Variants in CHORDC1 observed in about 807,000 individuals in gnomAD.
CHORDC1 encodes cysteine and histidine-rich domain-containing protein 1.
In CHORDC1, 25 loss-of-function variants were observed where a neutral mutation model predicts 48.3. The observed-to-expected ratio is 0.52, with a 90% CI of 0.38 to 0.72. The LOEUF (loss-of-function observed/expected upper bound fraction) is 0.72, where lower values mean the gene tolerates loss of function less well. Among genes scored for constraint, CHORDC1 ranks in the 30% least tolerant of loss-of-function variants. The pLI, the probability that CHORDC1 is intolerant of heterozygous loss-of-function variation, is 0.00. For synonymous variants in CHORDC1, 128 were observed against 126.4 expected (o/e 1.01, Z -0.09); for missense variants, 317 against 388.7 (o/e 0.82, Z 1.55).
At position 90,222,879 on chromosome 11, in the gene CHORDC1, C is replaced by G. The variant is rs747585815; in HGVS notation, c.64+12G>C. On this transcript the variant is annotated intron_variant, in intron 1 of 10. Coordinates refer to ENST00000320585, the MANE Select transcript of CHORDC1 (RefSeq NM_012124.3). ...TGGAGGGGAGGGAGGGCTGGCGGCG[C>G]GTTCCTCTTACCGTCGGAATTGGTC... 23 of 1,612,800 alleles carry G rather than the reference C, an allele frequency of 1.4e-5. 1 individual carries two copies. The South Asian group carries it at 2.3e-4, about 16-fold the overall frequency.
At chr11:90,222,547 C>T in intron 1 of CHORDC1, 2 of 511,146 alleles carry the variant, frequency 3.9e-6, no homozygotes, top group South Asian at 1.6e-5. Flanking sequence ...TTTTTGCTTC[C>T]CCAGAGACTG....
intron 9 of CHORDC1, among the ~76,000 whole-genome samples, 161 bp from the exon 10 acceptor site, chr11:90,203,036 A>G (rs1212311270): frequency 6.6e-6 from 1 of 152,186 alleles, no homozygotes; most frequent in African/African-American, 2.4e-5. Flanking sequence ...ACAAAAAAGA[A>G]TAACTGGCTT....
intron 6 of CHORDC1, chr11:90,206,542 T>A: frequency 2.6e-6 from 1 of 390,012 alleles, no homozygotes; most frequent in South Asian, 2.4e-5. Context: ...CATATTCAAG[T>A]ACTTACTTAG....
At chr11:90,219,516 G>GT (rs1222834785) in intron 1 of CHORDC1, among the ~76,000 whole-genome samples, 1 of 152,206 alleles carries the variant, frequency 6.6e-6, no homozygotes, top group Non-Finnish European at 1.5e-5. Context: ...CTAGAAGGTT[G>GT]TGAGTCTACC....
rs1345124567 is a variant in CHORDC1, at chr11:90,202,867, C to G, written c.798G>C (p.Val266=). ...CCTTCTCTCCTTCAAATACAATATG[C>G]ACATTTAACTGAAAAAGATATACAC... is the stretch of plus-strand genomic sequence containing the variant. The part of the protein sequence containing the change: ...RVEANSTLLN[V]HIVFEGEKEF... Residue 266 remains valine, a synonymous_variant, in exon 10 of 11, where the codon GTG becomes GTC. Transcript: ENST00000320585. 1.3e-6 allele frequency: 2 copies of G among 1,599,738 alleles called. No homozygotes were observed. The highest frequency in any genetic ancestry group is 1.7e-6 in the Non-Finnish European group (2 of 1,172,786).
intron 10 of CHORDC1, 87 bp downstream of exon 10, chr11:90,202,726 C>T: frequency 6.9e-7 from 1 of 1,446,490 alleles, no homozygotes. Context: ...CTATACTTTG[C>T]ATCAATGTTT....
chr11:90,206,223 C>A lies in CHORDC1; in HGVS notation c.542G>T (p.Gly181Val). The A allele has an allele frequency of 6.4e-7, 1 of 1,563,292 alleles. No individual in the cohort carries two copies. Among genetic ancestry groups the A allele is most frequent in the Non-Finnish European group, 8.8e-7 (1 of 1,134,160 alleles). The change falls in exon 7 of 11, where the codon GGA (glycine) becomes GTA (valine). Residue 181 changes from glycine to valine, a missense_variant. Coordinates refer to ENST00000320585, the MANE Select transcript of CHORDC1 (RefSeq NM_012124.3). ...TTACCCCTCATGGAAAATAGGTACTCCAGAATGATATACACAGACTTCTTC... is the reference window on the plus strand; with the variant it reads ...TTACCCCTCATGGAAAATAGGTACTACAGAATGATATACACAGACTTCTTC... ...SLEEVCVYHS[G>V]VPIFHEGMKY...
intron 8 of CHORDC1, 41 bp downstream of exon 8, chr11:90,205,419 G>A (rs769540898): frequency 9.0e-7 from 1 of 1,105,632 alleles, no homozygotes; most frequent in African/African-American, 1.6e-5. Context: ...TGACTCAGAT[G>A]AATATAAACC....
chr11:90,211,482 ATCTAC>A, intron 4 of CHORDC1, 164 bp from the exon 5 acceptor site: 1 of 541,324 alleles, frequency 1.8e-6, no homozygotes, highest in Non-Finnish European at 3.3e-6. Flanking sequence ...GTTACAATGT[ATCTAC>A]ATTCTGTCTT....
In CHORDC1 at chr11:90,218,199, GAAAA is replaced by G; in HGVS notation, c.65-19_65-16del. 7.5e-7 allele frequency: 1 copy of G among 1,329,538 alleles called. No individual in the cohort carries two copies. Among genetic ancestry groups the G allele is most frequent in the Non-Finnish European group, 1.0e-6 (1 of 990,270 alleles). 82.4% of individuals were successfully genotyped at this position (1,329,538 alleles called of 1,614,324 possible). On this transcript the variant is annotated splice_polypyrimidine_tract_variant and intron_variant, in intron 1 of 10. Transcript: ENST00000320585. ...TGTGCAAGCATCTGGAGAAAACAGA[GAAAA>G]AAAAAAAAGTACCACTCTTTATAAT...
chr11:90,213,718 A>G, intron 4 of CHORDC1: 1 of 456,496 alleles, frequency 2.2e-6, no homozygotes, highest in Non-Finnish European at 3.9e-6. Flanking sequence ...ACCATGCCAC[A>G]GTGAAAAAGA....
intron 6 of CHORDC1, chr11:90,209,465 A>T (rs1857798939): frequency 6.6e-6 from 1 of 152,174 alleles, no homozygotes; most frequent in Non-Finnish European, 1.5e-5. Context: ...TCTATCATTC[A>T]TTCTACACGC....
At chr11:90,208,668 T>A (rs1481438624) in intron 6 of CHORDC1, 1 of 152,134 alleles carries the variant, frequency 6.6e-6, no homozygotes, top group Non-Finnish European at 1.5e-5. Flanking sequence ...AGAAAAAACA[T>A]ATGTTGACTG....
At chr11:90,217,300 G>A (rs1026170016) in intron 2 of CHORDC1, among the ~76,000 whole-genome samples, 11 of 152,124 alleles carry the variant, frequency 7.2e-5, no homozygotes, top group Non-Finnish European at 1.2e-4. Flanking sequence ...CAAAGAAGTA[G>A]AACCTAAAAC....
At chr11:90,205,643 T>A (rs906111631) in intron 7 of CHORDC1, 78 bp from the exon 8 acceptor site, 2 of 882,084 alleles carry the variant, frequency 2.3e-6, no homozygotes, top group African/African-American at 3.4e-5. Flanking sequence ...GGGATAAATC[T>A]GATTTTTAAT....
Position 90,214,063 on chromosome 11 carries a change from T to C in CHORDC1, c.284A>G (p.His95Arg), listed in dbSNP as rs749095610. ...TACTGGCTTAGGGGCTTGAATGATG[T>C]GTTCCTGAAATTTGGGTTTTAATTC... ...LCELKPKFQE[H>R]IIQAPKPVEA... Residue 95 changes from histidine to arginine, a missense_variant, in exon 4 of 11, where the codon CAC becomes CGC. Transcript: ENST00000320585. The C allele has an allele frequency of 1.9e-6, 3 of 1,613,514 alleles. No homozygotes were observed. The highest frequency in any genetic ancestry group is 4.5e-5 in the East Asian group (2 of 44,832).
intron 4 of CHORDC1, chr11:90,213,543 T>C (rs889283201): frequency 1.3e-5 from 7 of 544,270 alleles, no homozygotes; most frequent in Non-Finnish European, 2.0e-5. Flanking sequence ...TAAGACTACT[T>C]TCACAAATAT....
intron 1 of CHORDC1, among the ~76,000 whole-genome samples, chr11:90,220,256 T>G (rs74689918): frequency 0.039 from 5,919 of 152,294 alleles, 161 homozygotes; most frequent in Non-Finnish European, 0.057. Flanking sequence ...ACCCCGTTAC[T>G]AGCCAGTATT....
At chr11:90,206,657 CAAAT>C in intron 6 of CHORDC1, 1 of 538,254 alleles carries the variant, frequency 1.9e-6, no homozygotes, top group South Asian at 1.7e-5. Context: ...TAAGTATTGT[CAAAT>C]AATATGAGAA....
Sources: gnomAD v4.1 joint callset for allele counts (sites outside exome capture counted in the v4.1 genomes callset) on GRCh38, gnomAD v4.1.1 for gene constraint, MANE v1.5 for transcripts, NCBI Gene and HGNC (gene_info 2026-07-23, HGNC 2026-07-21) for gene names.